The following ACACA variants were observed in gnomAD, a reference collection of about 807,000 sequenced individuals.
The protein encoded by ACACA is acetyl-CoA carboxylase alpha, also known as acetyl-CoA carboxylase 1.
A neutral mutation model predicts 296.1 loss-of-function variants in ACACA; 103 were observed. The ratio of observed to expected loss-of-function variants is 0.35; its 90% CI spans 0.30 to 0.41. ACACA has a LOEUF of 0.41. ACACA is among the 10% of genes least tolerant of loss of function. The pLI, the probability that ACACA is intolerant of heterozygous loss-of-function variation, is 1.00. For synonymous variants in ACACA, 953 were observed against 1,038.6 expected (o/e 0.92, Z 1.58); for missense variants, 1,554 against 2,989.7 (o/e 0.52, Z 11.20).
rs1446390013 is a variant in ACACA, at chr17:37,334,353, CCTGT to C, written c.86-3932_86-3929del. Among the ~76,000 whole-genome samples the C allele has an allele frequency of 3.3e-5, 5 of 152,010 alleles. No individual in the cohort carries two copies. The East Asian group carries it at 9.6e-4, about 29-fold the overall frequency. ...CAGGTTCTTAAAACATTACAGGGAG[CCTGT>C]CCCCAAGAAGAGGGAAAGGAACTAT... On this transcript the variant is annotated intron_variant, in intron 2 of 55. Coordinates refer to ENST00000616317, the MANE Select transcript of ACACA (RefSeq NM_198834.3).
intron 12 of ACACA, 91 bp from the exon 13 acceptor site, chr17:37,258,464 T>G: frequency 9.6e-6 from 12 of 1,244,628 alleles, no homozygotes; most frequent in Non-Finnish European, 2.3e-6. Flanking sequence ...TTTTTATTTT[T>G]GGAGCCACTC....
At chr17:37,089,233 G>T (rs549266754) in intron 54 of ACACA, among the ~76,000 whole-genome samples, 159 bp from the exon 55 acceptor site, 1 of 152,294 alleles carries the variant, frequency 6.6e-6, no homozygotes, top group South Asian at 2.1e-4. Flanking sequence ...AGTAGGCCTC[G>T]AGGCAGGAGC....
intron 1 of ACACA, among the ~76,000 whole-genome samples, chr17:37,358,471 CCCT>C (rs1326743175): frequency 1.0e-3 from 152 of 152,346 alleles, no homozygotes; most frequent in African/African-American, 3.5e-3. Flanking sequence ...ACCTGCCTGG[CCCT>C]GGCTCTCGCC....
chr17:37,345,838 A>C (rs903014737), intron 1 of ACACA, among the ~76,000 whole-genome samples: 8 of 152,222 alleles, frequency 5.3e-5, no homozygotes, highest in Admixed American at 2.0e-4. Flanking sequence ...AGATCAGGGG[A>C]GATTAATGAG....
chr17:37,164,035 G>A (rs1195172797), intron 41 of ACACA, among the ~76,000 whole-genome samples: 2 of 151,978 alleles, frequency 1.3e-5, no homozygotes, highest in African/African-American at 2.4e-5. Flanking sequence ...GATAAGTAAT[G>A]TTTTCCATTC....
At chr17:37,269,567 T>A (rs1217274624) in intron 10 of ACACA, among the ~76,000 whole-genome samples, 1 of 152,150 alleles carries the variant, frequency 6.6e-6, no homozygotes, top group Non-Finnish European at 1.5e-5. Flanking sequence ...AATAGCTGTA[T>A]GGGCACTCAA....
chr17:37,394,497 G>A (rs1248108156), intron 1 of ACACA, among the ~76,000 whole-genome samples: 1 of 151,782 alleles, frequency 6.6e-6, no homozygotes, highest in Non-Finnish European at 1.5e-5. Flanking sequence ...AAGTCCAGGC[G>A]TGAGCCACTG....
intron 47 of ACACA, among the ~76,000 whole-genome samples, chr17:37,126,122 T>A (rs1048366428): frequency 2.0e-5 from 3 of 152,234 alleles, no homozygotes; most frequent in Non-Finnish European, 2.9e-5. Context: ...CAAACATTTG[T>A]CAAAAGGCTG....
At chr17:37,287,490 G>A (rs2082829638) in intron 3 of ACACA, among the ~76,000 whole-genome samples, 1 of 151,354 alleles carries the variant, frequency 6.6e-6, no homozygotes, top group African/African-American at 2.4e-5. Flanking sequence ...CCAGCACTTT[G>A]GGAGGCCAAG....
intron 29 of ACACA, among the ~76,000 whole-genome samples, chr17:37,215,667 T>C (rs1260365232): frequency 1.3e-5 from 2 of 151,916 alleles, no homozygotes; most frequent in African/African-American, 4.9e-5. Flanking sequence ...AGTCAATGAA[T>C]TGTGCAAAAT....
At chr17:37,111,773 A>G (rs2073983963) in intron 51 of ACACA, 130 bp from the exon 52 acceptor site, 1 of 732,134 alleles carries the variant, frequency 1.4e-6, no homozygotes, top group African/African-American at 1.7e-5. Flanking sequence ...ACCTATGGTT[A>G]ACAGACATCT....
chr17:37,098,012 A>C, intron 52 of ACACA, 28 bp from the exon 53 acceptor site: 1 of 1,614,018 alleles, frequency 6.2e-7, no homozygotes, highest in Non-Finnish European at 8.5e-7. Flanking sequence ...TGCCCGTCAC[A>C]CTCTGTAATG....
chr17:37,390,005 G>GCCA (rs1238992662), intron 1 of ACACA, among the ~76,000 whole-genome samples: 6 of 146,320 alleles, frequency 4.1e-5, no homozygotes, highest in Non-Finnish European at 8.9e-5. Flanking sequence ...GATTTTTAAG[G>GCCA]CCAGGCCTGA....
rs1389041933 is a variant in ACACA, at chr17:37,283,421, A to C, written c.472-16T>G. 6.2e-7 allele frequency: 1 copy of C among 1,614,004 alleles called. No homozygotes were observed. The highest frequency in any genetic ancestry group is 8.5e-7 in the Non-Finnish European group (1 of 1,179,916). ...CAATAAGAACCTGGGAGGGGGAAGG[A>C]GATGGGAATGGGAAGAAAAGGCAGA... On this transcript the variant is annotated splice_polypyrimidine_tract_variant and intron_variant, in intron 4 of 55. Transcript: ENST00000616317.
At chr17:37,376,134 T>A (rs1318367857) in intron 1 of ACACA, 13 of 1,612,054 alleles carry the variant, frequency 8.1e-6, no homozygotes, top group Non-Finnish European at 1.1e-5. Context: ...TTGCATCCTA[T>A]GATGCCAACA....
intron 41 of ACACA, among the ~76,000 whole-genome samples, chr17:37,171,914 G>A (rs2076897283): frequency 1.3e-5 from 2 of 152,270 alleles, no homozygotes; most frequent in East Asian, 1.9e-4. Flanking sequence ...TGGGGCCCAG[G>A]ATTAATTGGT....
At chr17:37,391,742 CAA>C in intron 1 of ACACA, 1 of 1,601,748 alleles carries the variant, frequency 6.2e-7, no homozygotes, top group Non-Finnish European at 8.6e-7. Flanking sequence ...TGCTCTATCT[CAA>C]AGACTGAATG....
At chr17:37,400,151 G>C (rs911602137) in intron 1 of ACACA, among the ~76,000 whole-genome samples, 1 of 152,140 alleles carries the variant, frequency 6.6e-6, no homozygotes. Flanking sequence ...ACAGGGTCTT[G>C]CTCTGTTGCC....
intron 46 of ACACA, 95 bp downstream of exon 46, chr17:37,129,980 A>G (rs2075011803): frequency 6.6e-7 from 1 of 1,513,022 alleles, no homozygotes; most frequent in Non-Finnish European, 9.2e-7. Context: ...AAATTCCTCC[A>G]CCATAAAGAC....
Sources: gnomAD v4.1 joint callset for allele counts (sites outside exome capture counted in the v4.1 genomes callset) on GRCh38, gnomAD v4.1.1 for gene constraint, MANE v1.5 for transcripts, NCBI Gene and HGNC (gene_info 2026-07-23, HGNC 2026-07-21) for gene names.